Variants in PLXNA4 observed in about 807,000 individuals in gnomAD.
The protein encoded by PLXNA4 is plexin A4.
PLXNA4 carries 44 observed loss-of-function variants against 191.8 expected under a neutral mutation model. The ratio of observed to expected loss-of-function variants is 0.23; its 90% CI spans 0.18 to 0.29. PLXNA4 has a LOEUF of 0.29. PLXNA4 is among the 10% of genes least tolerant of loss of function. The probability of loss-of-function intolerance (pLI) is 1.00; values close to 1 mark genes in which losing one functional copy is unlikely to be tolerated. For missense variants in PLXNA4, 1,800 were observed against 2,488.8 expected (o/e 0.72, Z 5.89); for synonymous variants, 1,082 against 1,009.5 (o/e 1.07, Z -1.36).
intron 18 of PLXNA4, among the ~76,000 whole-genome samples, chr7:132,181,076 C>T (rs1255424196): frequency 1.3e-5 from 2 of 152,152 alleles, no homozygotes; most frequent in Non-Finnish European, 2.9e-5. Flanking sequence ...TGCTGTGGTT[C>T]GCACAAGGCT....
At chr7:132,572,139 G>A (rs1342492759) in intron 1 of PLXNA4, among the ~76,000 whole-genome samples, 2 of 152,174 alleles carry the variant, frequency 1.3e-5, no homozygotes, top group South Asian at 4.1e-4. Flanking sequence ...ATTCTAAGGA[G>A]GAAACCAGCA....
rs900930981 is a variant in PLXNA4 at position 132,125,602 on chromosome 7, A to G, written c.*4877T>C. On this transcript the variant is annotated 3_prime_UTR_variant, in exon 32 of 32. Coordinates refer to ENST00000321063, the MANE Select transcript of PLXNA4 (RefSeq NM_020911.2). ...CCAAAATCCCAAATAAATGGCCCAC[A>G]GTTTTGTTTTGTTTTGTTTTTTTTA... The G allele has an allele frequency of 6.6e-6, 1 of 152,110 alleles. No individual in the cohort carries two copies. The highest frequency in any genetic ancestry group is 6.5e-5 in the Admixed American group (1 of 15,270). 9.4% of individuals were successfully genotyped at this position (152,110 alleles called of 1,614,324 possible).
chr7:132,126,154 G>A lies in PLXNA4; in HGVS notation c.*4325C>T, dbSNP rs1794762996. On this transcript the variant is annotated 3_prime_UTR_variant, in exon 32 of 32. Coordinates refer to ENST00000321063, the MANE Select transcript of PLXNA4 (RefSeq NM_020911.2). ...GTCACAGAGGGTGGTGCTGAGACCT[G>A]GGCCCATCACAGCATCGTTCACGGC... 2 of 152,354 alleles carry A rather than the reference G, an allele frequency of 1.3e-5. No homozygotes were observed. The highest frequency in any genetic ancestry group is 1.3e-4 in the Admixed American group (2 of 15,280). 9.4% of individuals were successfully genotyped at this position (152,354 alleles called of 1,614,324 possible). A position where few individuals can be genotyped will look rare whatever the true frequency, so the allele number is the denominator to read the frequency against.
At chr7:132,301,812 A>G (rs754114910) in intron 3 of PLXNA4, among the ~76,000 whole-genome samples, 5 of 152,216 alleles carry the variant, frequency 3.3e-5, no homozygotes, top group Non-Finnish European at 7.3e-5. Context: ...TTTGCTTTAT[A>G]CCTTGCAAAG....
intron 3 of PLXNA4, among the ~76,000 whole-genome samples, chr7:132,300,752 G>A (rs1167056900): frequency 6.6e-6 from 1 of 152,236 alleles, no homozygotes; most frequent in Non-Finnish European, 1.5e-5. Context: ...GGTGCCCCTG[G>A]AGCAGGAGCA....
Position 132,128,035 on chromosome 7 carries a change from G to T in PLXNA4, c.*2444C>A, listed in dbSNP as rs1326211114. ...TCAAAATGCACTCACTCATACACAC[G>T]TTCACACACGCAGCTTCCATCCAGC... On this transcript the variant is annotated 3_prime_UTR_variant, in exon 32 of 32. Coordinates refer to ENST00000321063, the MANE Select transcript of PLXNA4 (RefSeq NM_020911.2). 7.1e-6 allele frequency: 1 copy of T among 140,388 alleles called. No homozygotes were observed. The highest frequency in any genetic ancestry group is 1.5e-5 in the Non-Finnish European group (1 of 66,430). 8.7% of individuals were successfully genotyped at this position (140,388 alleles called of 1,614,324 possible). A position where few individuals can be genotyped will look rare whatever the true frequency, so the allele number is the denominator to read the frequency against.
chr7:132,434,271 G>A (rs932434708), intron 3 of PLXNA4, among the ~76,000 whole-genome samples: 2 of 152,140 alleles, frequency 1.3e-5, no homozygotes, highest in African/African-American at 4.8e-5. Flanking sequence ...CCCAGCTCCC[G>A]GTTCCATGGT....
chr7:132,208,473 T>C (rs2116889972), intron 10 of PLXNA4, among the ~76,000 whole-genome samples: 1 of 152,180 alleles, frequency 6.6e-6, no homozygotes, highest in South Asian at 2.1e-4. Flanking sequence ...AGGCTGCAGC[T>C]CTGAACTCCA....
chr7:132,203,201 G>T, intron 11 of PLXNA4, 122 bp downstream of exon 11: 2 of 847,622 alleles, frequency 2.4e-6, no homozygotes, highest in African/African-American at 1.7e-5. Context: ...GGGCTCAGAG[G>T]GAGAGGGACA....
At chr7:132,237,135 C>A (rs1422321846) in intron 5 of PLXNA4, among the ~76,000 whole-genome samples, 2 of 152,224 alleles carry the variant, frequency 1.3e-5, no homozygotes, top group East Asian at 3.8e-4. Context: ...AAGATCTGTG[C>A]ATCTCATTCC....
At chr7:132,268,817 C>T (rs1008542056) in intron 4 of PLXNA4, among the ~76,000 whole-genome samples, 1 of 152,124 alleles carries the variant, frequency 6.6e-6, no homozygotes, top group East Asian at 1.9e-4. Flanking sequence ...CAACTGCTGG[C>T]CTTCCTGGTG....
At chr7:132,577,425 C>G (rs1247774623), upstream of PLXNA4, 2 of 151,184 alleles carry the variant, frequency 1.3e-5, no homozygotes, top group Non-Finnish European at 2.9e-5. Context: ...GCCTCGCCTC[C>G]TCTCCTCCCT....
At chr7:132,593,093 G>A (rs1802632522) in intron 2 of PLXNA4, among the ~76,000 whole-genome samples, 1 of 152,218 alleles carries the variant, frequency 6.6e-6, no homozygotes, top group Non-Finnish European at 1.5e-5. Context: ...TAATTCGTGA[G>A]GATGATATAG....
intron 3 of PLXNA4, among the ~76,000 whole-genome samples, chr7:132,439,054 G>A (rs926984980): frequency 6.6e-6 from 1 of 152,218 alleles, no homozygotes; most frequent in African/African-American, 2.4e-5. Context: ...AACGTCAACA[G>A]TCCCTGGTTC....
chr7:132,406,118 A>C (rs1794209899), intron 3 of PLXNA4, among the ~76,000 whole-genome samples: 1 of 152,210 alleles, frequency 6.6e-6, no homozygotes, highest in Non-Finnish European at 1.5e-5. Flanking sequence ...AAGTGTCTCC[A>C]GGCTTACACT....
At chr7:132,310,072 G>A (rs1801669469) in intron 3 of PLXNA4, among the ~76,000 whole-genome samples, 1 of 152,150 alleles carries the variant, frequency 6.6e-6, no homozygotes, top group Admixed American at 6.5e-5. Context: ...CTTAAGCCTG[G>A]GGCTGTGCAG....
chr7:132,157,992 A>G (rs1275953505), intron 25 of PLXNA4, among the ~76,000 whole-genome samples: 1 of 152,160 alleles, frequency 6.6e-6, no homozygotes, highest in Admixed American at 6.5e-5. Context: ...ATGTGAGCAC[A>G]CACCCATACC....
chr7:132,144,209 G>T (rs560266376), intron 29 of PLXNA4, among the ~76,000 whole-genome samples: 64 of 152,306 alleles, frequency 4.2e-4, no homozygotes, highest in African/African-American at 1.5e-3. Flanking sequence ...ATGGGACAAA[G>T]GATAAGCCAG....
chr7:132,562,855 T>C, intron 1 of PLXNA4, among the ~76,000 whole-genome samples: 1 of 110,704 alleles, frequency 9.0e-6, no homozygotes, highest in Non-Finnish European at 1.8e-5. Context: ...TCCTTTCTCC[T>C]CCTCCTCCTT....
Sources: allele counts gnomAD v4.1 joint callset (sites outside exome capture counted in the v4.1 genomes callset), GRCh38; gene constraint gnomAD v4.1.1; transcripts MANE v1.5; gene names NCBI Gene and HGNC (gene_info 2026-07-23, HGNC 2026-07-21).